ITGA6: variants seen among roughly 807,000 people sequenced by gnomAD.
ITGA6 encodes the protein integrin subunit alpha 6.
In ITGA6, 63 loss-of-function variants were observed where a neutral mutation model predicts 133.6. That is an observed-to-expected ratio of 0.47 (90% CI 0.38 to 0.58). ITGA6 has a LOEUF of 0.58. ITGA6 is among the 20% of genes least tolerant of loss of function. ITGA6 has a pLI of 0.00. For synonymous variants in ITGA6, 434 were observed against 482.0 expected (o/e 0.90, Z 1.30); for missense variants, 1,068 against 1,309.4 (o/e 0.82, Z 2.85).
At chr2:172,477,898 G>T (rs1024011184) in intron 9 of ITGA6, among the ~76,000 whole-genome samples, 4 of 152,146 alleles carry the variant, frequency 2.6e-5, no homozygotes, top group African/African-American at 4.8e-5. Context: ...TAGCACTTCA[G>T]GGTAGTTAGT....
intron 2 of ITGA6, among the ~76,000 whole-genome samples, chr2:172,466,345 G>A (rs1342454358): frequency 6.6e-6 from 1 of 152,118 alleles, no homozygotes; most frequent in Non-Finnish European, 1.5e-5. Flanking sequence ...TTGGCCAGGC[G>A]TCGGTGGCTC....
At chr2:172,436,273 C>CT (rs1684316225) in intron 1 of ITGA6, among the ~76,000 whole-genome samples, 1 of 152,190 alleles carries the variant, frequency 6.6e-6, no homozygotes, top group Admixed American at 6.5e-5. Context: ...TGAGGGAGGA[C>CT]TTTCGGGAAT....
At chr2:172,501,749 C>T (rs1232403539) in intron 24 of ITGA6, 23 bp from the exon 25 acceptor site, 2 of 1,609,558 alleles carry the variant, frequency 1.2e-6, no homozygotes, top group Non-Finnish European at 1.7e-6. Flanking sequence ...GTAAAATTGA[C>T]TAAATACCTT....
intron 1 of ITGA6, among the ~76,000 whole-genome samples, chr2:172,439,230 G>A (rs1054791099): frequency 6.6e-6 from 1 of 151,778 alleles, no homozygotes; most frequent in Non-Finnish European, 1.5e-5. Flanking sequence ...TGCTGGCCTG[G>A]TTGATTTGTC....
At chr2:172,432,487 C>T (rs891006832) in intron 1 of ITGA6, among the ~76,000 whole-genome samples, 1 of 152,238 alleles carries the variant, frequency 6.6e-6, no homozygotes, top group African/African-American at 2.4e-5. Context: ...TCAGTTTAAC[C>T]TGTGACATCA....
Position 172,427,949 on chromosome 2 carries a change from T to G in ITGA6, c.161T>G (p.Leu54Arg), listed in dbSNP as rs1301054995. The change falls in exon 1 of 26, where the codon CTG (leucine) becomes CGG (arginine). Residue 54 changes from leucine to arginine, a missense_variant. Leu to Arg is a moderately radical substitution (Grantham distance 102, BLOSUM62 -2). Around this residue, in one of 3 missense-constraint regions of ITGA6, gnomAD observed 142 missense variants for 145.3 expected, o/e 0.98. Transcript: ENST00000684293. ...TTCTCGCTGGCCATGCACTGGCAAC[T>G]GCAGCCCGAGGACAAGCGGCTGTGA... ...FGFSLAMHWQ[L>R]QPEDKRLLLV... 1.9e-6 allele frequency: 3 copies of G among 1,605,782 alleles called. No individual in the cohort carries two copies.
At chr2:172,429,557 C>T (rs1684024358) in intron 1 of ITGA6, among the ~76,000 whole-genome samples, 1 of 152,172 alleles carries the variant, frequency 6.6e-6, no homozygotes, top group South Asian at 2.1e-4. Flanking sequence ...CAAGAAATAT[C>T]CTGGCAGTGG....
chr2:172,505,929 A>ATACTT lies in ITGA6; in HGVS notation c.*1863_*1867dup, dbSNP rs1356806576. 5.2e-5 allele frequency: 8 copies of ATACTT among 152,572 alleles called. No individual in the cohort carries two copies. The highest frequency in any genetic ancestry group is 1.0e-4 in the Non-Finnish European group (7 of 68,022). The allele number at this position is 152,572 out of a possible 1,614,324, so 9.5% of individuals were successfully genotyped here. A position where few individuals can be genotyped will look rare whatever the true frequency, so the allele number is the denominator to read the frequency against. ...AGATTGCTAGATTGCTAAGGAGCTG[A>ATACTT]TACTTTGACAGTGTTTTTAGACCTG... is the stretch of plus-strand genomic sequence containing the variant. On this transcript the variant is annotated 3_prime_UTR_variant, in exon 26 of 26. Transcript: ENST00000684293.
chr2:172,501,108 T>C (rs1389454252), intron 24 of ITGA6, among the ~76,000 whole-genome samples: 1 of 152,224 alleles, frequency 6.6e-6, no homozygotes, highest in Non-Finnish European at 1.5e-5. Context: ...AGTGGAATTA[T>C]ACTTTTATAC....
chr2:172,503,957 A>T, intron 25 of ITGA6, 134 bp from the exon 26 acceptor site: 1 of 604,762 alleles, frequency 1.7e-6, no homozygotes, highest in Non-Finnish European at 2.6e-6. Context: ...GTTCTTTCTT[A>T]AAAGAAAACC....
At chr2:172,466,846 T>G (rs1484525866) in intron 2 of ITGA6, among the ~76,000 whole-genome samples, 2 of 152,216 alleles carry the variant, frequency 1.3e-5, no homozygotes, top group East Asian at 3.9e-4. Flanking sequence ...TATGGAGGAG[T>G]GCAAAATTTG....
At chr2:172,428,057 C>G (rs778990725) in intron 1 of ITGA6, 87 bp downstream of exon 1, 23 of 1,419,460 alleles carry the variant, frequency 1.6e-5, no homozygotes, top group Admixed American at 4.8e-5. Context: ...CCGCCGGCCC[C>G]GGGGAGTAGT....
At chr2:172,485,515 C>A (rs1476104497) in intron 13 of ITGA6, among the ~76,000 whole-genome samples, 1 of 152,146 alleles carries the variant, frequency 6.6e-6, no homozygotes, top group Non-Finnish European at 1.5e-5. Context: ...CCTATCGAGA[C>A]TATAAATGGT....
At chr2:172,477,341 T>C (rs1018593589) in intron 9 of ITGA6, among the ~76,000 whole-genome samples, 14 of 152,192 alleles carry the variant, frequency 9.2e-5, no homozygotes, top group African/African-American at 3.4e-4. Flanking sequence ...CCATTAAAAA[T>C]TGGAGGCTTT....
At chr2:172,436,593 TTC>T (rs1218105506) in intron 1 of ITGA6, among the ~76,000 whole-genome samples, 4 of 152,206 alleles carry the variant, frequency 2.6e-5, no homozygotes, top group Non-Finnish European at 5.9e-5. Flanking sequence ...GCTCATTTAT[TTC>T]TCTCTGTGTG....
intron 24 of ITGA6, among the ~76,000 whole-genome samples, chr2:172,500,894 C>T (rs995617552): frequency 6.6e-6 from 1 of 152,184 alleles, no homozygotes; most frequent in African/African-American, 2.4e-5. Flanking sequence ...TGAATAGCCT[C>T]ACGGAGCCAG....
chr2:172,456,084 AG>A (rs1685195804), intron 1 of ITGA6, among the ~76,000 whole-genome samples: 1 of 152,222 alleles, frequency 6.6e-6, no homozygotes, highest in African/African-American at 2.4e-5. Context: ...GAGGGCAGCC[AG>A]GAAGTGGTAG....
intron 1 of ITGA6, among the ~76,000 whole-genome samples, chr2:172,459,528 G>A (rs75888567): frequency 0.059 from 9,023 of 152,176 alleles, 390 homozygotes; most frequent in East Asian, 0.25. Flanking sequence ...CCTTTTGAGA[G>A]TCAGACTAAC....
Position 172,488,025 on chromosome 2 carries a change from T to A in ITGA6, c.2389T>A (p.Leu797Ile). Residue 797 changes from leucine (L) to isoleucine (I), a missense_variant, in exon 18 of 26, where the codon TTA (leucine) becomes ATA (isoleucine). By Grantham distance (5) the Leu-to-Ile change is conservative. Coordinates refer to ENST00000684293, the MANE Select transcript of ITGA6 (RefSeq NM_000210.4). ...AGCAAAAGTGGTTATTGAACTGCTT[T>A]TATCGGTCTCGGGGTAAGTGTTTGT... is the stretch of plus-strand genomic sequence containing the variant. ...AKAKVVIELL[L>I]SVSGVAKPSQ... 1.2e-6 allele frequency: 2 copies of A among 1,613,962 alleles called. No individual in the cohort carries two copies. The highest frequency in any genetic ancestry group is 2.2e-5 in the South Asian group (2 of 91,066).
Sources: gnomAD v4.1 joint callset for allele counts (sites outside exome capture counted in the v4.1 genomes callset) on GRCh38, gnomAD v4.1.1 for gene constraint, gnomAD v4.1.1 regional missense constraint, MANE v1.5 for transcripts, NCBI Gene and HGNC (gene_info 2026-07-23, HGNC 2026-07-21) for gene names.